NBAS: variants seen among roughly 807,000 people sequenced by gnomAD.
The protein encoded by NBAS is NAG/BC035112 fusion.
Under a neutral mutation model 302.5 loss-of-function variants are expected in NBAS, and 219 were observed. The observed-to-expected ratio is 0.72, with a 90% CI of 0.65 to 0.81. The LOEUF (loss-of-function observed/expected upper bound fraction) is 0.81, where lower values mean the gene tolerates loss of function less well. NBAS is among the 30% of genes least tolerant of loss of function. NBAS has a pLI of 0.00. For synonymous variants in NBAS, 1,118 were observed against 1,021.6 expected, an observed-to-expected ratio of 1.09 and a Z score of -1.80; for missense variants, 2,932 against 2,841.6, an observed-to-expected ratio of 1.03 and a Z score of -0.72.
chr2:15,508,324 A>G (rs922960862), intron 10 of NBAS, among the ~76,000 whole-genome samples: 1 of 152,228 alleles, frequency 6.6e-6, no homozygotes, highest in African/African-American at 2.4e-5. Context: ...ATACTTCAGT[A>G]AGGTGCAAAG....
chr2:15,557,959 C>G (rs7574879), intron 2 of NBAS, among the ~76,000 whole-genome samples: 95,293 of 152,016 alleles, frequency 0.63, 30,745 homozygotes, highest in Non-Finnish European at 0.68. Context: ...CTGACCAGAT[C>G]TATCTGAAAC....
chr2:15,043,806 A>G, the NBAS span, among the ~76,000 whole-genome samples: 1 of 152,200 alleles, frequency 6.6e-6, no homozygotes. Context: ...GCCCACCCTC[A>G]GCACTCAACT....
the NBAS span, among the ~76,000 whole-genome samples, chr2:14,874,210 A>T: frequency 8.5e-5 from 13 of 152,342 alleles, no homozygotes; most frequent in South Asian, 2.7e-3. Context: ...CTCACTCAAA[A>T]GAAATAGGTA....
the NBAS span, among the ~76,000 whole-genome samples, chr2:15,050,400 T>A: frequency 0.014 from 2,075 of 152,266 alleles, 42 homozygotes; most frequent in African/African-American, 0.047. Context: ...AATATTTTCC[T>A]AATTTTAGAA....
intron 21 of NBAS, among the ~76,000 whole-genome samples, chr2:15,445,051 TTGG>T (rs942333427): frequency 4.3e-4 from 65 of 151,640 alleles, no homozygotes; most frequent in African/African-American, 1.5e-3. Context: ...TTTTACACTG[TTGG>T]TGGGACTGTA....
intron 38 of NBAS, among the ~76,000 whole-genome samples, chr2:15,312,419 G>A (rs77340965): frequency 2.2e-3 from 336 of 152,144 alleles, no homozygotes; most frequent in African/African-American, 7.6e-3. Flanking sequence ...AATGACAGGC[G>A]TGTGCCACCA....
At chr2:15,258,462 C>T (rs1049289897) in intron 44 of NBAS, among the ~76,000 whole-genome samples, 2 of 152,094 alleles carry the variant, frequency 1.3e-5, no homozygotes, top group African/African-American at 4.8e-5. Flanking sequence ...GAAGATATCC[C>T]TAAATTCTTC....
intron 35 of NBAS, among the ~76,000 whole-genome samples, chr2:15,342,222 T>C (rs1296956806): frequency 1.3e-5 from 2 of 151,922 alleles, no homozygotes; most frequent in South Asian, 4.2e-4. Context: ...TAGTCTAAAA[T>C]AGAGAAAAGT....
intron 44 of NBAS, among the ~76,000 whole-genome samples, chr2:15,271,337 T>G (rs1055548753): frequency 6.6e-6 from 1 of 152,152 alleles, no homozygotes; most frequent in South Asian, 2.1e-4. Flanking sequence ...GAAATGAGTT[T>G]GAAGGTTAGA....
the NBAS span, among the ~76,000 whole-genome samples, chr2:15,071,864 T>C: frequency 6.6e-6 from 1 of 152,124 alleles, no homozygotes; most frequent in Non-Finnish European, 1.5e-5. Context: ...ACACAGCGGC[T>C]TTTCCACTAG....
chr2:14,986,321 G>A, the NBAS span, among the ~76,000 whole-genome samples: 2 of 151,774 alleles, frequency 1.3e-5, no homozygotes, highest in East Asian at 3.9e-4. Flanking sequence ...CCAACATATA[G>A]AGTAGCCCAT....
chr2:15,232,463 C>G lies in NBAS; in HGVS notation c.6195G>C (p.Leu2065=). The G allele has an allele frequency of 6.2e-7, 1 of 1,614,102 alleles. No individual in the cohort carries two copies. The highest frequency in any genetic ancestry group is 8.5e-7 in the Non-Finnish European group (1 of 1,180,020). Residue 2065 remains leucine, a synonymous_variant, in exon 47 of 52, where the codon CTG becomes CTC. Transcript: ENST00000281513. The part of the protein sequence containing the change: ...LGGPRDPLKV[L]EGVVAAVHAS... ...CGTGGACTGCTGCAACAACACCTTC[C>G]AGGACCTTCAGTGGGTCCCTTGGCC...
At chr2:15,465,986 C>A (rs993143926) in intron 19 of NBAS, among the ~76,000 whole-genome samples, 1 of 152,062 alleles carries the variant, frequency 6.6e-6, no homozygotes, top group South Asian at 2.1e-4. Context: ...ATCAACATGA[C>A]GTGTTTTAAA....
the NBAS span, among the ~76,000 whole-genome samples, chr2:15,137,970 G>A: frequency 6.6e-6 from 1 of 152,072 alleles, no homozygotes; most frequent in Non-Finnish European, 1.5e-5. Context: ...CTCATCAAGA[G>A]CCCGAAATCA....
At chr2:15,300,558 C>G (rs889971933) in intron 40 of NBAS, among the ~76,000 whole-genome samples, 1 of 152,194 alleles carries the variant, frequency 6.6e-6, no homozygotes, top group Non-Finnish European at 1.5e-5. Context: ...GAACTCACAA[C>G]TGCAAACCTG....
At chr2:15,057,240 C>T in the NBAS span, among the ~76,000 whole-genome samples, 1 of 150,702 alleles carries the variant, frequency 6.6e-6, no homozygotes, top group Non-Finnish European at 1.5e-5. Context: ...TTTCCAGATG[C>T]AAGCACTCCG....
At chr2:15,252,455 G>A (rs1194527248) in intron 44 of NBAS, among the ~76,000 whole-genome samples, 1 of 151,724 alleles carries the variant, frequency 6.6e-6, no homozygotes, top group Non-Finnish European at 1.5e-5. Context: ...CTGAGATCGC[G>A]CCATTGCACA....
At chr2:14,785,912 G>T in the NBAS span, among the ~76,000 whole-genome samples, 6 of 152,110 alleles carry the variant, frequency 3.9e-5, no homozygotes, top group Non-Finnish European at 8.8e-5. Flanking sequence ...GTTCCTCCTT[G>T]TACCTCTGGT....
intron 22 of NBAS, among the ~76,000 whole-genome samples, chr2:15,425,085 T>C (rs545759720): frequency 6.6e-6 from 1 of 152,178 alleles, no homozygotes; most frequent in Non-Finnish European, 1.5e-5. Flanking sequence ...CACACAGGGC[T>C]AACCTCGTGG....
Sources: allele counts gnomAD v4.1 joint callset (sites outside exome capture counted in the v4.1 genomes callset), GRCh38; gene constraint gnomAD v4.1.1; transcripts MANE v1.5; gene names NCBI Gene and HGNC (gene_info 2026-07-23, HGNC 2026-07-21).